The following MMP15 variants were observed in gnomAD, a reference collection of about 807,000 sequenced individuals.
MMP15 encodes the protein matrix metalloproteinase-15.
MMP15 carries 36 observed loss-of-function variants against 65.0 expected under a neutral mutation model. The ratio of observed to expected loss-of-function variants is 0.55; its 90% CI spans 0.42 to 0.73. The LOEUF is 0.73. Among genes scored for constraint, MMP15 ranks in the 30% least tolerant of loss-of-function variants. The pLI is 0.00. For missense variants in MMP15, 870 were observed against 987.8 expected, an observed-to-expected ratio of 0.88 and a Z score of 1.60; for synonymous variants, 428 against 410.2, an observed-to-expected ratio of 1.04 and a Z score of -0.52.
intron 1 of MMP15, among the ~76,000 whole-genome samples, chr16:58,036,395 T>C (rs1047030546): frequency 2.6e-5 from 4 of 152,130 alleles, no homozygotes; most frequent in African/African-American, 7.2e-5. Flanking sequence ...CCAGGGAGAC[T>C]GTAAGTTCCT....
Position 58,038,405 on chromosome 16 carries a change from C to T in MMP15, c.440+11C>T. On this transcript the variant is annotated intron_variant, in intron 3 of 9. Coordinates refer to ENST00000219271, the MANE Select transcript of MMP15 (RefSeq NM_002428.4). ...CCATCTGACCTTTAGGTAGGGGGCT[C>T]AGCTGCCCAGGGAAGCATCTGCCCC... 5 of 1,613,698 alleles carry T rather than the reference C, an allele frequency of 3.1e-6. No individual in the cohort carries two copies. Among genetic ancestry groups the T allele is most frequent in the Non-Finnish European group, 4.2e-6 (5 of 1,179,834 alleles).
At chr16:58,041,393 C>A (rs1055074331) in intron 5 of MMP15, among the ~76,000 whole-genome samples, 1 of 152,144 alleles carries the variant, frequency 6.6e-6, no homozygotes, top group Admixed American at 6.5e-5. Context: ...AGGCAGACAC[C>A]CTCAGGAGCA....
intron 1 of MMP15, among the ~76,000 whole-genome samples, chr16:58,034,861 C>T (rs769639415): frequency 1.5e-4 from 23 of 152,168 alleles, no homozygotes; most frequent in Non-Finnish European, 2.9e-4. Flanking sequence ...CTCTGCCGGT[C>T]TCTGGAGCTC....
intron 1 of MMP15, among the ~76,000 whole-genome samples, chr16:58,027,583 G>T (rs569720281): frequency 6.6e-6 from 1 of 152,176 alleles, no homozygotes; most frequent in Admixed American, 6.5e-5. Context: ...GTTTCTATTT[G>T]CAGCTCAGCT....
At chr16:58,027,674 C>A (rs1395583307) in intron 1 of MMP15, among the ~76,000 whole-genome samples, 1 of 152,186 alleles carries the variant, frequency 6.6e-6, no homozygotes, top group Non-Finnish European at 1.5e-5. Flanking sequence ...GCTTGCCCTT[C>A]CCCGCCCTAC....
chr16:58,037,596 G>C lies in MMP15; in HGVS notation c.287G>C (p.Gly96Ala), dbSNP rs1052363225. Residue 96 changes from glycine (G) to alanine (A), a missense_variant, in exon 2 of 10, where the codon GGT (glycine) becomes GCT (alanine). Coordinates refer to ENST00000219271, the MANE Select transcript of MMP15 (RefSeq NM_002428.4). ...CGCTTCTACGGGATCCCAGTCACCG[G>C]TGTGCTCGACGAAGAGACCAAGGAG... ...MQRFYGIPVT[G>A]VLDEETKEWM... 6.2e-7 allele frequency: 1 copy of C among 1,614,072 alleles called. No individual in the cohort carries two copies. The highest frequency in any genetic ancestry group is 8.5e-7 in the Non-Finnish European group (1 of 1,180,042).
intron 3 of MMP15, among the ~76,000 whole-genome samples, chr16:58,038,980 A>C (rs1240823157): frequency 1.3e-5 from 2 of 152,210 alleles, no homozygotes; most frequent in Admixed American, 1.3e-4. Context: ...TTCAGGTTTA[A>C]TGTCTAGCAC....
At chr16:58,031,158 G>A (rs1484773755) in intron 1 of MMP15, among the ~76,000 whole-genome samples, 4 of 152,108 alleles carry the variant, frequency 2.6e-5, no homozygotes, top group Non-Finnish European at 5.9e-5. Context: ...AATGACCCCC[G>A]CATTCCATAG....
chr16:58,037,989 C>A (rs1313268885), intron 2 of MMP15, among the ~76,000 whole-genome samples: 1 of 152,226 alleles, frequency 6.6e-6, no homozygotes, highest in Non-Finnish European at 1.5e-5. Context: ...ATGCACAGAG[C>A]ATAACGTATC....
chr16:58,040,089 C>T lies in MMP15; in HGVS notation c.655C>T (p.Leu219=), dbSNP rs921427464. The T allele has an allele frequency of 1.2e-6, 2 of 1,613,956 alleles. No homozygotes were observed. Among genetic ancestry groups the T allele is most frequent in the Non-Finnish European group, 1.7e-6 (2 of 1,180,056 alleles). ...GCCGTTTGATGGCACCGGTGGCTTTCTGGCCCACGCCTATTTCCCTGGCCC... is the reference window on the plus strand; with the variant it reads ...GCCGTTTGATGGCACCGGTGGCTTTTTGGCCCACGCCTATTTCCCTGGCCC... ...SSPFDGTGGF[L]AHAYFPGPGL... Residue 219 remains leucine, a synonymous_variant, in exon 4 of 10, where the codon CTG becomes TTG. Transcript: ENST00000219271.
intron 1 of MMP15, among the ~76,000 whole-genome samples, chr16:58,035,838 C>CT (rs1237677770): frequency 2.0e-5 from 3 of 152,222 alleles, no homozygotes; most frequent in African/African-American, 7.2e-5. Flanking sequence ...TGCTGCCCCT[C>CT]CTTGGGTCAG....
At chr16:58,035,149 T>G (rs1281268943) in intron 1 of MMP15, among the ~76,000 whole-genome samples, 7 of 152,254 alleles carry the variant, frequency 4.6e-5, no homozygotes, top group Non-Finnish European at 1.5e-5. Context: ...TAGATCTCCC[T>G]AAGCACCTTC....
At chr16:58,032,841 G>C (rs1189312342) in intron 1 of MMP15, among the ~76,000 whole-genome samples, 1 of 152,260 alleles carries the variant, frequency 6.6e-6, no homozygotes, top group African/African-American at 2.4e-5. Context: ...CTTCTTTTGT[G>C]CCTGGCTGGG....
rs1267912687 is a variant in MMP15, at chr16:58,026,518, A to AC, written c.162+11dup. On this transcript the variant is annotated splice_region_variant and intron_variant, in intron 1 of 9. Transcript: ENST00000219271. Reference sequence around the variant, plus strand: ...ACGCGGAGGTCCATGCCGAGGTAAGACCCCCGCCCTGCCCTTTGGCTGCGG... The same window carrying AC: ...ACGCGGAGGTCCATGCCGAGGTAAGACCCCCCGCCCTGCCCTTTGGCTGCGG... 5.3e-6 allele frequency: 7 copies of AC among 1,328,522 alleles called. No homozygotes were observed. In the South Asian group the frequency reaches 9.6e-5, roughly 18 times the overall value. 82.3% of individuals were successfully genotyped at this position (1,328,522 alleles called of 1,614,324 possible).
Position 58,045,474 on chromosome 16 carries a change from C to G in MMP15, c.*28C>G, listed in dbSNP as rs1959547403. On this transcript the variant is annotated 3_prime_UTR_variant, in exon 10 of 10. Coordinates refer to ENST00000219271, the MANE Select transcript of MMP15 (RefSeq NM_002428.4). ...ACCCAGCGCTCCTGCTAACGGTGCTCAGGGGGCGCCTGTGGTTCTGAGATG... is the reference window on the plus strand; with the variant it reads ...ACCCAGCGCTCCTGCTAACGGTGCTGAGGGGGCGCCTGTGGTTCTGAGATG... 1.4e-6 allele frequency: 2 copies of G among 1,477,042 alleles called. No homozygotes were observed. Among genetic ancestry groups the G allele is most frequent in the South Asian group, 2.7e-5 (2 of 73,094 alleles). The allele number at this position is 1,477,042 out of a possible 1,614,324, so 91.5% of individuals were successfully genotyped here. A position where few individuals can be genotyped will look rare whatever the true frequency, so the allele number is the denominator to read the frequency against.
In MMP15 at chr16:58,026,226, G is replaced by A. The variant is rs1033829481; in HGVS notation, c.-125G>A. On this transcript the variant is annotated 5_prime_UTR_variant, in exon 1 of 10. Coordinates refer to ENST00000219271, the MANE Select transcript of MMP15 (RefSeq NM_002428.4). ...CCGAGGCGACCTAGGCGGCTCCGGC[G>A]GGGACCGGGAGCCCGAGGTCCGCGG... 25 of 1,094,420 alleles carry A rather than the reference G, an allele frequency of 2.3e-5. No individual in the cohort carries two copies. The highest frequency in any genetic ancestry group is 2.9e-5 in the Non-Finnish European group (25 of 862,122). The allele number at this position is 1,094,420 out of a possible 1,614,324, so 67.8% of individuals were successfully genotyped here.
At chr16:58,028,123 C>T (rs1235082113) in intron 1 of MMP15, among the ~76,000 whole-genome samples, 1 of 152,220 alleles carries the variant, frequency 6.6e-6, no homozygotes, top group Admixed American at 6.5e-5. Context: ...TGGCCAGGAG[C>T]TCAGGGGTGC....
rs3784909 is a variant in MMP15, at chr16:58,035,565, C to T, written c.163-1907C>T. ...GTGTCAGGCACTAGCATGCACTTTA[C>T]GATTCCTCCTCACAGGAACCCAGGA... On this transcript the variant is annotated intron_variant, in intron 1 of 9. Transcript: ENST00000219271. Among the ~76,000 whole-genome samples the T allele has an allele frequency of 4.6e-3, 707 of 152,318 alleles. 20 individuals carry two copies. In the East Asian group the frequency reaches 0.071, roughly 15 times the overall value.
chr16:58,040,625 G>A lies in MMP15; in HGVS notation c.837G>A (p.Pro279=), dbSNP rs61753767. 13,090 of 1,614,200 alleles carry A rather than the reference G, an allele frequency of 8.1e-3. 73 individuals are homozygous for A. The highest frequency in any genetic ancestry group is 0.01 in the Non-Finnish European group (11,922 of 1,180,038). Residue 279 remains proline, a synonymous_variant, in exon 5 of 10, where the codon CCG becomes CCA. Transcript: ENST00000219271. The stretch of plus-strand genomic sequence containing the variant: ...GCAACCCCAATGCCATCATGGCGCC[G>A]TTCTACCAGTGGAAGGACGTTGACA... ...HSSNPNAIMA[P]FYQWKDVDNF...
Sources: allele counts gnomAD v4.1 joint callset (sites outside exome capture counted in the v4.1 genomes callset), GRCh38; gene constraint gnomAD v4.1.1; transcripts MANE v1.5; gene names NCBI Gene and HGNC (gene_info 2026-07-23, HGNC 2026-07-21).